Variants in SLC41A2 observed in about 807,000 individuals in gnomAD.
SLC41A2 encodes the protein solute carrier family 41 member 2, also known as SLC41A1-like 1.
Under a neutral mutation model 58.3 loss-of-function variants are expected in SLC41A2, and 32 were observed. The observed-to-expected ratio is 0.55, with a 90% confidence interval of 0.41 to 0.74. The LOEUF (loss-of-function observed/expected upper bound fraction) is 0.74, where lower values mean the gene tolerates loss of function less well. Among genes scored for constraint, SLC41A2 ranks in the 30% least tolerant of loss-of-function variants. The pLI is 0.00. For synonymous variants in SLC41A2, 190 were observed against 235.0 expected (o/e 0.81, Z 1.75); for missense variants, 514 against 680.6 (o/e 0.76, Z 2.72).
chr12:104,923,754 AC>A (rs1406086184), intron 2 of SLC41A2, among the ~76,000 whole-genome samples: 1 of 152,212 alleles, frequency 6.6e-6, no homozygotes, highest in African/African-American at 2.4e-5. Flanking sequence ...CAACTATTGA[AC>A]CATGAAGAAA....
At chr12:104,904,925 G>T (rs574699102) in intron 3 of SLC41A2, among the ~76,000 whole-genome samples, 289 of 152,254 alleles carry the variant, frequency 1.9e-3, no homozygotes, top group Non-Finnish European at 1.5e-3. Flanking sequence ...CACTGTGGAA[G>T]GGGACCCAAG....
chr12:104,921,764 T>C (rs2046608210), intron 2 of SLC41A2, among the ~76,000 whole-genome samples: 1 of 152,194 alleles, frequency 6.6e-6, no homozygotes, highest in Admixed American at 6.5e-5. Context: ...ATAACTCTAG[T>C]ATGAAGCCTA....
chr12:104,886,975 A>G (rs568681548), intron 5 of SLC41A2, among the ~76,000 whole-genome samples: 23 of 152,064 alleles, frequency 1.5e-4, no homozygotes, highest in Non-Finnish European at 2.2e-4. Flanking sequence ...AGGCCAGAAT[A>G]CAAGAAACAG....
At chr12:104,826,115 TTTCAGAATGGGCAAACAG>T (rs1258184757) in intron 10 of SLC41A2, among the ~76,000 whole-genome samples, 1 of 152,184 alleles carries the variant, frequency 6.6e-6, no homozygotes, top group Non-Finnish European at 1.5e-5. Flanking sequence ...ATTCCCTGTC[TTTCAGAATGGGCAAACAG>T]TTCTCTTCAC....
At chr12:104,888,809 T>C (rs1593077856) in intron 5 of SLC41A2, among the ~76,000 whole-genome samples, 3 of 152,030 alleles carry the variant, frequency 2.0e-5, no homozygotes, top group Admixed American at 2.0e-4. Context: ...TATAACGGAG[T>C]ATCCAAGGCC....
intron 1 of SLC41A2, among the ~76,000 whole-genome samples, chr12:104,937,968 T>G (rs2047349262): frequency 6.6e-6 from 1 of 152,234 alleles, no homozygotes; most frequent in African/African-American, 2.4e-5. Context: ...GAAAACAATT[T>G]GGCATTATCT....
intron 3 of SLC41A2, among the ~76,000 whole-genome samples, chr12:104,900,140 G>A (rs909742671): frequency 6.6e-6 from 1 of 152,076 alleles, no homozygotes; most frequent in African/African-American, 2.4e-5. Flanking sequence ...AATTCCCTCA[G>A]GCGAAAACAT....
In SLC41A2 at chr12:104,873,475, G is replaced by A. The variant is rs566447501; in HGVS notation, c.1028-6896C>T. Among the ~76,000 whole-genome samples, 5 of 152,278 alleles carry A rather than the reference G, an allele frequency of 3.3e-5. No individual in the cohort carries two copies. The East Asian group carries it at 9.6e-4, about 29-fold the overall frequency. On this transcript the variant is annotated intron_variant, in intron 6 of 10. Coordinates refer to ENST00000258538, the MANE Select transcript of SLC41A2 (RefSeq NM_001352171.3). ...CCATATCTAGACAACCGTAAATAAT[G>A]CTGCAATGGACATGGGAGTGCAAAT...
chr12:104,814,362 G>A (rs1038196537), intron 10 of SLC41A2, among the ~76,000 whole-genome samples: 13 of 152,240 alleles, frequency 8.5e-5, no homozygotes, highest in South Asian at 8.3e-4. Context: ...TCCAGCCTGG[G>A]TGAAAGAGCA....
At chr12:104,833,331 C>T (rs941482563) in intron 10 of SLC41A2, among the ~76,000 whole-genome samples, 2 of 152,148 alleles carry the variant, frequency 1.3e-5, no homozygotes, top group African/African-American at 4.8e-5. Flanking sequence ...TCCCTAGGGG[C>T]CAACCAAACA....
At chr12:104,941,254 C>T (rs2047502686) in intron 1 of SLC41A2, among the ~76,000 whole-genome samples, 1 of 152,160 alleles carries the variant, frequency 6.6e-6, no homozygotes, top group Non-Finnish European at 1.5e-5. Context: ...TTCCATAAAA[C>T]AATTGCTCAT....
chr12:104,906,144 C>T (rs1197178919), intron 3 of SLC41A2, among the ~76,000 whole-genome samples: 2 of 152,248 alleles, frequency 1.3e-5, no homozygotes, highest in Non-Finnish European at 2.9e-5. Flanking sequence ...ACTTGACACA[C>T]ATTGCAGCTG....
intron 3 of SLC41A2, among the ~76,000 whole-genome samples, chr12:104,908,289 A>G (rs1045021480): frequency 1.3e-5 from 2 of 152,192 alleles, no homozygotes; most frequent in Admixed American, 1.3e-4. Flanking sequence ...TAAGCAAACT[A>G]GTAATGTTAA....
At chr12:104,845,697 G>A in intron 9 of SLC41A2, 146 bp downstream of exon 9, 2 of 631,694 alleles carry the variant, frequency 3.2e-6, no homozygotes, top group South Asian at 7.9e-5. Flanking sequence ...TGATACACAT[G>A]CCTTTTCATT....
At chr12:104,907,526 T>G (rs2045905414) in intron 3 of SLC41A2, among the ~76,000 whole-genome samples, 2 of 152,208 alleles carry the variant, frequency 1.3e-5, no homozygotes, top group African/African-American at 2.4e-5. Flanking sequence ...ATTTTAAATA[T>G]TAAGTACCAA....
rs757207950 is a variant in SLC41A2, at chr12:104,866,512, T to G, written c.1095A>C (p.Ile365=). The change falls in exon 7 of 11, where the codon ATA becomes ATC. Residue 365 remains isoleucine, a synonymous_variant. Coordinates refer to ENST00000258538, the MANE Select transcript of SLC41A2 (RefSeq NM_001352171.3). ...FFLALTPIWI[I]IAAKHPATRT... ...TTGTGGCTGGATGTTTGGCAGCTATTATAATCCAAATAGGGGTTAGAGCCA... is the reference window on the plus strand; with the variant it reads ...TTGTGGCTGGATGTTTGGCAGCTATGATAATCCAAATAGGGGTTAGAGCCA... 1 of 1,612,708 alleles carries G rather than the reference T, an allele frequency of 6.2e-7. No individual in the cohort carries two copies. The highest frequency in any genetic ancestry group is 1.1e-5 in the South Asian group (1 of 91,024).
intron 1 of SLC41A2, among the ~76,000 whole-genome samples, chr12:104,938,215 T>C (rs2047359682): frequency 1.3e-5 from 2 of 152,192 alleles, no homozygotes; most frequent in South Asian, 4.1e-4. Flanking sequence ...AGTGCTTACA[T>C]TTGGTGAAGT....
chr12:104,845,952 G>A lies in SLC41A2; in HGVS notation c.1278C>T (p.Ala426=). 1 of 1,613,280 alleles carries A rather than the reference G, an allele frequency of 6.2e-7. No individual in the cohort carries two copies. The highest frequency in any genetic ancestry group is 8.5e-7 in the Non-Finnish European group (1 of 1,179,542). ...AGGTAGAAATCCTGCTAGCCTGAAT[G>A]GCCACCAAATTACCACCAATACCTG... The part of the protein sequence containing the change: ...VINGIGGNLV[A]IQASRISTYL... Residue 426 remains alanine, a synonymous_variant, in exon 9 of 11, where the codon GCC becomes GCT. Coordinates refer to ENST00000258538, the MANE Select transcript of SLC41A2 (RefSeq NM_001352171.3).
chr12:104,937,163 C>T (rs1273197794), intron 1 of SLC41A2, among the ~76,000 whole-genome samples: 2 of 152,130 alleles, frequency 1.3e-5, no homozygotes, highest in East Asian at 3.8e-4. Flanking sequence ...TTGCAGTAAG[C>T]TATAGTTTAA....
Sources: gnomAD v4.1 joint callset for allele counts (sites outside exome capture counted in the v4.1 genomes callset) on GRCh38, gnomAD v4.1.1 for gene constraint, MANE v1.5 for transcripts, NCBI Gene and HGNC (gene_info 2026-07-23, HGNC 2026-07-21) for gene names.